The following RFX2 variants were observed in gnomAD, a reference collection of about 807,000 sequenced individuals.
RFX2 encodes DNA-binding protein RFX2.
A neutral mutation model predicts 87.8 loss-of-function variants in RFX2; 20 were observed. That is an observed-to-expected ratio of 0.23 (90% CI 0.16 to 0.33). The LOEUF (loss-of-function observed/expected upper bound fraction) is 0.33. Among genes scored for constraint, RFX2 ranks in the 10% least tolerant of loss-of-function variants. The probability of loss-of-function intolerance (pLI) is 1.00; values close to 1 mark genes in which losing one functional copy is unlikely to be tolerated. For missense variants in RFX2, 767 were observed against 1,012.3 expected, an observed-to-expected ratio of 0.76 and a Z score of 3.29; for synonymous variants, 397 against 431.3, an observed-to-expected ratio of 0.92 and a Z score of 0.98.
rs1330163951 is a variant in RFX2 at position 6,021,147 on chromosome 19, TAG to T, written c.598-4878_598-4877del. 1.3e-5 allele frequency among the ~76,000 whole-genome samples: 2 copies of T among 152,182 alleles called. No individual in the cohort carries two copies. The highest frequency in any genetic ancestry group is 2.4e-5 in the African/African-American group (1 of 41,442). On this transcript the variant is annotated intron_variant, in intron 6 of 17. Coordinates refer to ENST00000303657, the MANE Select transcript of RFX2 (RefSeq NM_000635.4). The surrounding 1 kb of genome is among the most constrained non-coding windows in gnomAD (Gnocchi z 5.7). The stretch of plus-strand genomic sequence containing the variant: ...CTGACACTGGCTCCTGGTGGTGAGT[TAG>T]AGTCTCACCGGGCCATACACTAGCA...
chr19:6,076,557 G>C (rs2087695374), intron 1 of RFX2, among the ~76,000 whole-genome samples: 1 of 152,154 alleles, frequency 6.6e-6, no homozygotes, highest in Non-Finnish European at 1.5e-5. Flanking sequence ...TCCATAAACG[G>C]AGAAAATACT....
chr19:6,019,673 A>G (rs1376350042), intron 6 of RFX2, among the ~76,000 whole-genome samples: 1 of 151,072 alleles, frequency 6.6e-6, no homozygotes, highest in Non-Finnish European at 1.5e-5. Flanking sequence ...TGGCTCATGC[A>G]GCCTCCAACT....
chr19:6,024,985 CTG>C lies in RFX2; in HGVS notation c.597+1176_597+1177del. On this transcript the variant is annotated intron_variant, in intron 6 of 17. Transcript: ENST00000303657. This position sits in a 1 kb window ranked among gnomAD's most constrained non-coding sequence, Gnocchi z 5.0. ...AGTCAGGACGGGATCACGGTGATGA[CTG>C]GGGTCCACTGAAGGGGACTTCTTCT... 6.6e-6 allele frequency among the ~76,000 whole-genome samples: 1 copy of C among 152,160 alleles called. No individual in the cohort carries two copies. Among genetic ancestry groups the C allele is most frequent in the South Asian group, 2.1e-4 (1 of 4,822 alleles).
At position 6,045,548 on chromosome 19, in the gene RFX2, G is replaced by A. The variant is rs1028858802; in HGVS notation, c.91-1266C>T. ...CTCACCTCAGATGGGCTTCCAAGAC[G>A]CCCTCCCCACTGCCATATGTGCAAG... On this transcript the variant is annotated intron_variant, in intron 2 of 17. Coordinates refer to ENST00000303657, the MANE Select transcript of RFX2 (RefSeq NM_000635.4). The surrounding 1 kb of genome is among the most constrained non-coding windows in gnomAD (Gnocchi z 5.2). Among the ~76,000 whole-genome samples the A allele has an allele frequency of 2.0e-5, 3 of 152,150 alleles. No individual in the cohort carries two copies. Among genetic ancestry groups the A allele is most frequent in the Admixed American group, 2.0e-4 (3 of 15,276 alleles).
At chr19:6,109,006 G>A (rs1334316338) in intron 1 of RFX2, among the ~76,000 whole-genome samples, 5 of 152,080 alleles carry the variant, frequency 3.3e-5, no homozygotes. Flanking sequence ...CATTTGGGGT[G>A]TGAGTGAGTG....
In RFX2 at chr19:6,001,937, G is replaced by C; in HGVS notation, c.1737C>G (p.Ser579Arg). The C allele has an allele frequency of 6.2e-7, 1 of 1,612,834 alleles. No individual in the cohort carries two copies. Among genetic ancestry groups the C allele is most frequent in the South Asian group, 1.1e-5 (1 of 91,052 alleles). ...QDFKLTLQQQ[S>R]SLDQWASWLD... ...GCCAGCTGGCCCACTGGTCCAGGGAGCTCTGCTGCTGCAGGGTCAGCTTGA... is the reference window on the plus strand; with the variant it reads ...GCCAGCTGGCCCACTGGTCCAGGGACCTCTGCTGCTGCAGGGTCAGCTTGA... Residue 579 changes from serine (S) to arginine (R), a missense_variant, in exon 15 of 18, where the codon AGC becomes AGG. Physicochemically the swap from Ser to Arg is moderately radical, Grantham distance 110. This residue lies in a region of RFX2 where 621 missense variants were observed against 873.0 expected (regional missense o/e 0.71). Transcript: ENST00000303657. This position sits in a 1 kb window ranked among gnomAD's most constrained non-coding sequence, Gnocchi z 5.6.
intron 1 of RFX2, among the ~76,000 whole-genome samples, chr19:6,105,329 G>A (rs2088198742): frequency 6.6e-6 from 1 of 152,108 alleles, no homozygotes; most frequent in Non-Finnish European, 1.5e-5. Flanking sequence ...GAAAAGGCCT[G>A]AAGAAAGTCG....
At position 6,024,811 on chromosome 19, in the gene RFX2, C is replaced by T. The variant is rs1300658839; in HGVS notation, c.597+1352G>A. 2.6e-5 allele frequency among the ~76,000 whole-genome samples: 3 copies of T among 114,368 alleles called. No individual in the cohort carries two copies. Among genetic ancestry groups the T allele is most frequent in the Admixed American group, 1.7e-4 (2 of 12,010 alleles). 75.0% of individuals were successfully genotyped at this position (114,368 alleles called of 152,430 possible). A position where few individuals can be genotyped will look rare whatever the true frequency, so the allele number is the denominator to read the frequency against. On this transcript the variant is annotated intron_variant, in intron 6 of 17. Coordinates refer to ENST00000303657, the MANE Select transcript of RFX2 (RefSeq NM_000635.4). The surrounding 1 kb of genome is among the most constrained non-coding windows in gnomAD (Gnocchi z 5.0). Reference sequence around the variant, plus strand: ...AGTGAGGACGGGATCACGGTGAGGACGGGAGTGAGGACGGGATCACGGTGA... The same window carrying T: ...AGTGAGGACGGGATCACGGTGAGGATGGGAGTGAGGACGGGATCACGGTGA...
intron 1 of RFX2, among the ~76,000 whole-genome samples, chr19:6,095,205 C>T (rs886384074): frequency 1.3e-5 from 2 of 152,054 alleles, no homozygotes; most frequent in African/African-American, 2.4e-5. Context: ...CTTTATTGGC[C>T]GGTAATGATC....
intron 1 of RFX2, among the ~76,000 whole-genome samples, chr19:6,092,961 A>G (rs2087961895): frequency 6.6e-6 from 1 of 152,014 alleles, no homozygotes; most frequent in Non-Finnish European, 1.5e-5. Context: ...GGTAAAAAAA[A>G]GGCCCTGTGG....
intron 5 of RFX2, among the ~76,000 whole-genome samples, chr19:6,034,290 A>G (rs2086992085): frequency 6.8e-6 from 1 of 146,618 alleles, no homozygotes; most frequent in Non-Finnish European, 1.5e-5. Context: ...GTGCAGTGGC[A>G]CAATCTTGGC....
In RFX2 at chr19:5,997,013, C is replaced by G; in HGVS notation, c.2013+47G>C. The stretch of plus-strand genomic sequence containing the variant: ...TGCTCAGAGCACACCGCCCTCTCCC[C>G]ACAGGCCCGGCCAAGCCCCGGCCGT... On this transcript the variant is annotated intron_variant, in intron 16 of 17. Transcript: ENST00000303657. This position sits in a 1 kb window ranked among gnomAD's most constrained non-coding sequence, Gnocchi z 4.2. The G allele has an allele frequency of 6.4e-7, 1 of 1,572,116 alleles. No homozygotes were observed.
intron 1 of RFX2, chr19:6,072,170 G>A (rs1480716671): frequency 3.3e-5 from 5 of 152,218 alleles, no homozygotes; most frequent in Non-Finnish European, 7.3e-5. Flanking sequence ...AAGAGAAACA[G>A]AGATGAGTCT....
At chr19:6,070,704 T>G (rs1176262112) in intron 1 of RFX2, among the ~76,000 whole-genome samples, 1 of 152,142 alleles carries the variant, frequency 6.6e-6, no homozygotes, top group African/African-American at 2.4e-5. Flanking sequence ...TTTCACTGCT[T>G]TCTTTTTCTT....
chr19:6,091,067 G>A (rs190445628), intron 1 of RFX2, among the ~76,000 whole-genome samples: 7 of 152,312 alleles, frequency 4.6e-5, no homozygotes, highest in Admixed American at 2.0e-4. Context: ...GACTGTGATC[G>A]ACTTCTAATA....
Position 5,997,226 on chromosome 19 carries a change from G to A in RFX2, c.1860-13C>T, listed in dbSNP as rs199954102. 2.2e-4 allele frequency: 352 copies of A among 1,606,228 alleles called. 1 individual carries two copies. The Admixed American group carries it at 5.2e-3, about 24-fold the overall frequency. On this transcript the variant is annotated splice_polypyrimidine_tract_variant and intron_variant, in intron 15 of 17. Transcript: ENST00000303657. The surrounding 1 kb of genome is among the most constrained non-coding windows in gnomAD (Gnocchi z 4.2). ...GATCACCATGGAGCTGGGGACAAGC[G>A]GACAGAGGCTGGGGACCCTCAGGGG...
Position 6,007,358 on chromosome 19 carries a change from C to G in RFX2, c.1248-192G>C, listed in dbSNP as rs909820758. The stretch of plus-strand genomic sequence containing the variant: ...CGGCGCCTCCGTGTTTCCCCCTGTC[C>G]CTCACTGTCCACGCTGTCCCTCCCC... On this transcript the variant is annotated intron_variant, in intron 11 of 17. Transcript: ENST00000303657. The surrounding 1 kb of genome is among the most constrained non-coding windows in gnomAD (Gnocchi z 8.2). 7.2e-5 allele frequency among the ~76,000 whole-genome samples: 11 copies of G among 152,264 alleles called. No homozygotes were observed. Among genetic ancestry groups the G allele is most frequent in the Admixed American group, 6.5e-4 (10 of 15,294 alleles).
intron 5 of RFX2, among the ~76,000 whole-genome samples, chr19:6,036,688 A>G (rs2144755731): frequency 6.6e-6 from 1 of 152,310 alleles, no homozygotes; most frequent in South Asian, 2.1e-4. Flanking sequence ...TTCAACATCT[A>G]TTTATCATAG....
intron 1 of RFX2, among the ~76,000 whole-genome samples, chr19:6,062,936 T>C (rs772028787): frequency 1.3e-5 from 2 of 152,140 alleles, no homozygotes; most frequent in Non-Finnish European, 2.9e-5. Flanking sequence ...CAGTCGCGCA[T>C]ATTCAATATC....
Sources: gnomAD v4.1 joint callset for allele counts (sites outside exome capture counted in the v4.1 genomes callset) on GRCh38, gnomAD v4.1.1 for gene constraint, gnomAD v4.1.1 regional missense constraint, Gnocchi (gnomAD v3.1) non-coding constraint, MANE v1.5 for transcripts, NCBI Gene and HGNC (gene_info 2026-07-23, HGNC 2026-07-21) for gene names.